Variants in CDH18 observed in about 807,000 individuals in gnomAD.
CDH18 encodes cadherin-18.
Under a neutral mutation model 67.9 loss-of-function variants are expected in CDH18, and 31 were observed. The ratio of observed to expected loss-of-function variants is 0.46; its 90% CI spans 0.34 to 0.62. CDH18 has a LOEUF of 0.62. Ranked by LOEUF, CDH18 falls within the 20% of genes least tolerant of loss-of-function variation. The pLI, the probability that CDH18 is intolerant of heterozygous loss-of-function variation, is 0.01. For missense variants in CDH18, 890 were observed against 975.5 expected, an observed-to-expected ratio of 0.91 and a Z score of 1.17; for synonymous variants, 362 against 347.2, an observed-to-expected ratio of 1.04 and a Z score of -0.48.
intron 1 of CDH18, among the ~76,000 whole-genome samples, chr5:20,406,425 G>A (rs1394074988): frequency 1.3e-5 from 2 of 151,416 alleles, no homozygotes; most frequent in Non-Finnish European, 2.9e-5. Context: ...ACACCCCGGG[G>A]CCTGTTGTGG....
chr5:19,549,946 A>C (rs1188378556), intron 8 of CDH18, among the ~76,000 whole-genome samples: 1 of 152,088 alleles, frequency 6.6e-6, no homozygotes, highest in African/African-American at 2.4e-5. Context: ...TCAGTCCTGA[A>C]AGAGGAAAAA....
chr5:20,476,385 G>GA (rs1490391807), intron 1 of CDH18, among the ~76,000 whole-genome samples: 2 of 148,358 alleles, frequency 1.3e-5, no homozygotes, highest in Non-Finnish European at 3.0e-5. Context: ...CCAACATAAA[G>GA]AAAAAACTGA....
At chr5:20,571,098 T>C (rs1015888752) in intron 1 of CDH18, among the ~76,000 whole-genome samples, 5 of 152,170 alleles carry the variant, frequency 3.3e-5, no homozygotes, top group Admixed American at 1.3e-4. Context: ...TTTCAGTTAC[T>C]CATTTTTCTA....
intron 2 of CDH18, among the ~76,000 whole-genome samples, chr5:19,885,097 G>A (rs1488668224): frequency 6.6e-6 from 1 of 152,000 alleles, no homozygotes; most frequent in African/African-American, 2.4e-5. Context: ...CCATATTATG[G>A]GCGAAAAATT....
At chr5:19,606,189 T>C (rs1372809389) in intron 6 of CDH18, among the ~76,000 whole-genome samples, 1 of 152,096 alleles carries the variant, frequency 6.6e-6, no homozygotes, top group African/African-American at 2.4e-5. Flanking sequence ...ATTTAAGTAA[T>C]CCACACTGTA....
intron 3 of CDH18, among the ~76,000 whole-genome samples, chr5:19,787,922 T>A (rs976417631): frequency 7.3e-5 from 11 of 151,638 alleles, no homozygotes; most frequent in Non-Finnish European, 1.0e-4. Context: ...ATCAGATAAG[T>A]AATATTTATT....
chr5:19,753,949 A>C (rs531804178), intron 3 of CDH18, among the ~76,000 whole-genome samples: 3 of 152,318 alleles, frequency 2.0e-5, no homozygotes, highest in Admixed American at 6.5e-5. Flanking sequence ...GTCACTACCA[A>C]GCCACCACTA....
At chr5:19,626,846 G>A (rs1422719322) in intron 5 of CDH18, among the ~76,000 whole-genome samples, 1 of 151,990 alleles carries the variant, frequency 6.6e-6, no homozygotes, top group East Asian at 1.9e-4. Flanking sequence ...GCTAGTTCTG[G>A]GTCACAAGTG....
At chr5:20,382,358 T>C (rs1378434331) in intron 1 of CDH18, among the ~76,000 whole-genome samples, 1 of 152,138 alleles carries the variant, frequency 6.6e-6, no homozygotes, top group African/African-American at 2.4e-5. Context: ...AGACTAGACA[T>C]AGATTATGTA....
At chr5:20,218,516 G>A (rs1280533999) in intron 2 of CDH18, among the ~76,000 whole-genome samples, 2 of 151,908 alleles carry the variant, frequency 1.3e-5, no homozygotes, top group African/African-American at 2.4e-5. Flanking sequence ...TACCTTAAGA[G>A]CAGTTGATAT....
chr5:20,520,602 T>C (rs1755688681), intron 1 of CDH18, among the ~76,000 whole-genome samples: 1 of 152,134 alleles, frequency 6.6e-6, no homozygotes, highest in African/African-American at 2.4e-5. Context: ...TCAGGCCCTA[T>C]ATATTTAAAT....
intron 5 of CDH18, among the ~76,000 whole-genome samples, chr5:19,654,016 T>TATTTTGCCC (rs2150281701): frequency 1.3e-5 from 2 of 152,290 alleles, no homozygotes; most frequent in South Asian, 4.1e-4. Flanking sequence ...CTGAGTCATT[T>TATTTTGCCC]ATTTTGCCCA....
intron 5 of CDH18, among the ~76,000 whole-genome samples, chr5:19,693,871 G>T (rs1762211846): frequency 6.8e-6 from 1 of 147,034 alleles, no homozygotes; most frequent in South Asian, 2.2e-4. Context: ...ATTCCAGCCT[G>T]GGCGACAAAG....
chr5:19,681,531 C>A (rs1246697165), intron 5 of CDH18, among the ~76,000 whole-genome samples: 1 of 151,962 alleles, frequency 6.6e-6, no homozygotes, highest in Non-Finnish European at 1.5e-5. Flanking sequence ...AGATTGGCTG[C>A]TTTTCCAACA....
intron 2 of CDH18, among the ~76,000 whole-genome samples, chr5:20,204,020 A>G (rs2126320279): frequency 6.6e-6 from 1 of 152,202 alleles, no homozygotes; most frequent in South Asian, 2.1e-4. Context: ...ATCTGAAAAG[A>G]CAAATATAAG....
chr5:20,073,315 G>A (rs1324667702), intron 2 of CDH18, among the ~76,000 whole-genome samples: 1 of 151,728 alleles, frequency 6.6e-6, no homozygotes, highest in Non-Finnish European at 1.5e-5. Context: ...TCCATTGTGG[G>A]GGTTAGTGGG....
intron 1 of CDH18, chr5:20,303,966 G>C: frequency 1.3e-6 from 1 of 795,176 alleles, no homozygotes; most frequent in Non-Finnish European, 2.1e-6. Context: ...GAATGTCAAA[G>C]AAGAGAAGAA....
Position 20,302,387 on chromosome 5 carries a change from A to G in CDH18, c.-579-46882T>C, listed in dbSNP as rs1382334462. Among the ~76,000 whole-genome samples the G allele has an allele frequency of 3.3e-5, 5 of 152,152 alleles. No homozygotes were observed. In the South Asian group the frequency reaches 6.2e-4, roughly 19 times the overall value. ...CAACAAAACCCCACGTGCATTCTCA[A>G]TTCTAAAAAGTCAGTGTAAAAATCA... is the stretch of plus-strand genomic sequence containing the variant. On this transcript the variant is annotated intron_variant, in intron 1 of 14. Transcript: ENST00000507958.
chr5:20,563,709 G>C (rs758834605), intron 1 of CDH18, among the ~76,000 whole-genome samples: 3 of 152,066 alleles, frequency 2.0e-5, no homozygotes, highest in Non-Finnish European at 4.4e-5. Context: ...AACTGGTTGT[G>C]ACAAATCTAA....
Sources: gnomAD v4.1 joint callset for allele counts (sites outside exome capture counted in the v4.1 genomes callset) on GRCh38, gnomAD v4.1.1 for gene constraint, MANE v1.5 for transcripts, NCBI Gene and HGNC (gene_info 2026-07-23, HGNC 2026-07-21) for gene names.